The following TXNRD1 variants were observed in gnomAD, a reference collection of about 807,000 sequenced individuals.
TXNRD1 encodes the protein thioredoxin reductase 1.
In TXNRD1, 57 loss-of-function variants were observed where a neutral mutation model predicts 80.3. The ratio of observed to expected loss-of-function variants is 0.71; its 90% CI spans 0.57 to 0.89. TXNRD1 has a LOEUF of 0.89. TXNRD1 is among the 40% of genes least tolerant of loss of function. The pLI is 0.00. For synonymous variants in TXNRD1, 291 were observed against 285.2 expected (o/e 1.02, Z -0.20); for missense variants, 730 against 803.0 (o/e 0.91, Z 1.10).
At chr12:104,322,958 C>T (rs1459752867) in intron 10 of TXNRD1, among the ~76,000 whole-genome samples, 3 of 135,846 alleles carry the variant, frequency 2.2e-5, no homozygotes, top group Admixed American at 7.4e-5. Flanking sequence ...CGGCCTTCCG[C>T]GGTGTTTGTG....
intron 3 of TXNRD1, among the ~76,000 whole-genome samples, chr12:104,267,701 C>CTT (rs755241957): frequency 2.1e-3 from 41 of 19,740 alleles, no homozygotes; most frequent in African/African-American, 3.4e-3. Context: ...TTCTTTCTTT[C>CTT]TCTCTTTCTT....
intron 8 of TXNRD1, among the ~76,000 whole-genome samples, 189 bp from the exon 9 acceptor site, chr12:104,319,280 GC>G (rs1300262193): frequency 6.6e-6 from 1 of 152,140 alleles, no homozygotes; most frequent in Non-Finnish European, 1.5e-5. Flanking sequence ...CTTGGCTCCA[GC>G]ACTTACTAAC....
chr12:104,305,733 C>A (rs527433552), intron 4 of TXNRD1, among the ~76,000 whole-genome samples: 6 of 152,308 alleles, frequency 3.9e-5, no homozygotes, highest in African/African-American at 1.4e-4. Context: ...AACTATTATA[C>A]ATTGAACACA....
At chr12:104,314,499 T>A (rs1403393386) in intron 6 of TXNRD1, among the ~76,000 whole-genome samples, 1 of 152,146 alleles carries the variant, frequency 6.6e-6, no homozygotes, top group Non-Finnish European at 1.5e-5. Context: ...ACTGGTAGTA[T>A]TCTACTCAGA....
chr12:104,216,027 A>T, intron 1 of TXNRD1, 134 bp downstream of exon 1: 1 of 742,028 alleles, frequency 1.3e-6, no homozygotes. Context: ...ACCGCGCGCC[A>T]CGCTGGAGAC....
chr12:104,233,647 G>T (rs992522909), intron 1 of TXNRD1, among the ~76,000 whole-genome samples: 1 of 152,040 alleles, frequency 6.6e-6, no homozygotes, highest in East Asian at 1.9e-4. Context: ...TCAGCCTCCC[G>T]AGTAGCTGGG....
At chr12:104,346,358 A>C (rs1426383633) in intron 16 of TXNRD1, among the ~76,000 whole-genome samples, 1 of 152,154 alleles carries the variant, frequency 6.6e-6, no homozygotes, top group Non-Finnish European at 1.5e-5. Context: ...GGCTTCCTCC[A>C]TCTTTTTAAC....
intron 1 of TXNRD1, among the ~76,000 whole-genome samples, chr12:104,244,023 C>T (rs2032930019): frequency 6.6e-6 from 1 of 152,164 alleles, no homozygotes; most frequent in South Asian, 2.1e-4. Context: ...TTTCCAGTTT[C>T]CCCCAGTTAA....
Position 104,313,286 on chromosome 12 carries a change from T to C in TXNRD1, c.579T>C (p.Phe193=). 6.3e-7 allele frequency: 1 copy of C among 1,593,114 alleles called. No individual in the cohort carries two copies. Among genetic ancestry groups the C allele is most frequent in the South Asian group, 1.1e-5 (1 of 87,582 alleles). ...QYGKKVMVLD[F]VTPTPLGTRW... ...GCAAGAAGGTGATGGTCCTGGACTT[T>C]GTCACTCCCACCCCTCTTGGAACTA... Residue 193 remains phenylalanine, a synonymous_variant, in exon 6 of 17, where the codon TTT becomes TTC. Coordinates refer to ENST00000525566, the MANE Select transcript of TXNRD1 (RefSeq NM_001093771.3).
chr12:104,321,885 T>G (rs1431478331), intron 10 of TXNRD1, among the ~76,000 whole-genome samples: 1 of 152,230 alleles, frequency 6.6e-6, no homozygotes, highest in East Asian at 1.9e-4. Context: ...TGTTTTCATA[T>G]ATGAGTGACA....
At chr12:104,305,016 T>C (rs2034836820) in intron 4 of TXNRD1, 1 of 1,364,376 alleles carries the variant, frequency 7.3e-7, no homozygotes, top group African/African-American at 1.5e-5. Flanking sequence ...AAGCACATAT[T>C]GTATCTCTTG....
At chr12:104,304,329 T>G (rs978293588) in intron 4 of TXNRD1, 1 of 1,613,926 alleles carries the variant, frequency 6.2e-7, no homozygotes, top group African/African-American at 1.3e-5. Flanking sequence ...CTGAATTGGA[T>G]GGAAGGCGAT....
chr12:104,346,018 G>A (rs1445130170), intron 16 of TXNRD1: 3 of 1,286,214 alleles, frequency 2.3e-6, no homozygotes, highest in Non-Finnish European at 3.0e-6. Flanking sequence ...GACCCAAGCA[G>A]TTTTTTTCAT....
intron 3 of TXNRD1, among the ~76,000 whole-genome samples, chr12:104,259,786 C>A (rs1943047355): frequency 6.6e-6 from 1 of 151,886 alleles, no homozygotes; most frequent in Admixed American, 6.6e-5. Flanking sequence ...CCACGCCCGG[C>A]CATAAGTTTC....
chr12:104,325,331 T>G lies in TXNRD1; in HGVS notation c.1216-6T>G, dbSNP rs1452800746. The G allele has an allele frequency of 2.5e-6, 4 of 1,608,848 alleles. No homozygotes were observed. Among genetic ancestry groups the G allele is most frequent in the Non-Finnish European group, 3.4e-6 (4 of 1,176,310 alleles). On this transcript the variant is annotated splice_polypyrimidine_tract_variant and splice_region_variant and intron_variant, in intron 10 of 16. Transcript: ENST00000525566. ...ATTTCACAGTAAAACTTTATCACTC[T>G]TACAGGTTGAACAAATTGAAGCAGG... is the stretch of plus-strand genomic sequence containing the variant.
chr12:104,245,130 T>C (rs2032949481), intron 1 of TXNRD1, among the ~76,000 whole-genome samples: 1 of 152,224 alleles, frequency 6.6e-6, no homozygotes, highest in South Asian at 2.1e-4. Context: ...CTGAAAGCTT[T>C]TCCTAAGAGA....
chr12:104,216,019 C>T, intron 1 of TXNRD1, 126 bp downstream of exon 1: 2 of 772,786 alleles, frequency 2.6e-6, no homozygotes, highest in Non-Finnish European at 4.0e-6. Flanking sequence ...AGTGACTGAC[C>T]GCGCGCCACG....
At chr12:104,288,888 G>C (rs757120585) in intron 3 of TXNRD1, 43 bp from the exon 4 acceptor site, 2 of 1,613,694 alleles carry the variant, frequency 1.2e-6, no homozygotes, top group Non-Finnish European at 1.7e-6. Flanking sequence ...GTTAGCGGGG[G>C]AGAAGCACCT....
chr12:104,283,687 A>G (rs1445640159), intron 3 of TXNRD1, among the ~76,000 whole-genome samples: 1 of 151,916 alleles, frequency 6.6e-6, no homozygotes, highest in East Asian at 2.0e-4. Flanking sequence ...CCTGACCAAC[A>G]TGGAGAAACC....
Sources: allele counts gnomAD v4.1 joint callset (sites outside exome capture counted in the v4.1 genomes callset), GRCh38; gene constraint gnomAD v4.1.1; transcripts MANE v1.5; gene names NCBI Gene and HGNC (gene_info 2026-07-23, HGNC 2026-07-21).